Variants in TMPRSS15 observed in about 807,000 individuals in gnomAD.
The protein encoded by TMPRSS15 is transmembrane serine protease 15.
In TMPRSS15, 128 loss-of-function variants were observed where a neutral mutation model predicts 125.3. The observed-to-expected ratio is 1.02, with a 90% CI of 0.89 to 1.18. The LOEUF is 1.18. Among genes scored for constraint, TMPRSS15 ranks in the 50% most tolerant of loss-of-function variants. The pLI is 0.00. For synonymous variants in TMPRSS15, 446 were observed against 423.2 expected (o/e 1.05, Z -0.66); for missense variants, 1,283 against 1,212.7 (o/e 1.06, Z -0.86).
rs2074530969 is a variant in TMPRSS15, at chr21:18,269,700, A to ATT, written c.*267_*268dup. 1 of 371,368 alleles carries ATT rather than the reference A, an allele frequency of 2.7e-6. No individual in the cohort carries two copies. The highest frequency in any genetic ancestry group is 2.1e-5 in the African/African-American group (1 of 48,182). 23.0% of individuals were successfully genotyped at this position (371,368 alleles called of 1,614,324 possible). A position where few individuals can be genotyped will look rare whatever the true frequency, so the allele number is the denominator to read the frequency against. Reference sequence around the variant, plus strand: ...TAAGTAATAAAAATAATCATTAAGAATTTTAAAAATGAGATCTGTGAAGAA... The same window carrying ATT: ...TAAGTAATAAAAATAATCATTAAGAATTTTTTAAAAATGAGATCTGTGAAGAA... On this transcript the variant is annotated 3_prime_UTR_variant, in exon 25 of 25. Transcript: ENST00000284885.
intron 3 of TMPRSS15, among the ~76,000 whole-genome samples, chr21:18,396,095 A>G (rs183791357): frequency 6.6e-6 from 1 of 152,334 alleles, no homozygotes; most frequent in East Asian, 1.9e-4. Flanking sequence ...CCATCAGTCT[A>G]GCTTACTTAG....
chr21:18,382,409 G>A (rs768783446), intron 4 of TMPRSS15, among the ~76,000 whole-genome samples: 4 of 152,108 alleles, frequency 2.6e-5, no homozygotes, highest in Non-Finnish European at 5.9e-5. Flanking sequence ...TTATCTTCTT[G>A]CTGAACAGCA....
Position 18,343,542 on chromosome 21 carries a change from A to G in TMPRSS15, c.1392T>C (p.Tyr464=), listed in dbSNP as rs755045381. The G allele has an allele frequency of 3.7e-5, 60 of 1,613,010 alleles. 1 individual carries two copies. Among genetic ancestry groups the G allele is most frequent in the Admixed American group, 1.0e-4 (6 of 59,994 alleles). The change falls in exon 12 of 25, where the codon TAT becomes TAC. Residue 464 remains tyrosine (Y), a synonymous_variant. Coordinates refer to ENST00000284885, the MANE Select transcript of TMPRSS15 (RefSeq NM_002772.3). ...CTGTTTCATTTAGGGTTACTTGTCC[A>G]TAATTCCAATTGTCTCCATAATTTC... ...KEGNYGDNWN[Y]GQVTLNETVK...
chr21:18,382,819 G>A (rs553598605), intron 4 of TMPRSS15, among the ~76,000 whole-genome samples: 1 of 152,180 alleles, frequency 6.6e-6, no homozygotes, highest in African/African-American at 2.4e-5. Flanking sequence ...AGGACACTGT[G>A]TTTGTTGAAT....
intron 1 of TMPRSS15, among the ~76,000 whole-genome samples, chr21:18,463,960 G>A (rs758681405): frequency 6.6e-6 from 1 of 151,992 alleles, no homozygotes; most frequent in Non-Finnish European, 1.5e-5. Context: ...GGATCACGAG[G>A]TCAGGAGATG....
chr21:18,396,804 GTCTGTCTA>G (rs1313364092), intron 3 of TMPRSS15, among the ~76,000 whole-genome samples: 68 of 96,546 alleles, frequency 7.0e-4, no homozygotes, highest in Admixed American at 2.0e-3. Context: ...CTGTCTGTCT[GTCTGTCTA>G]TCTATCTATC....
intron 1 of TMPRSS15, among the ~76,000 whole-genome samples, chr21:18,443,798 A>G (rs1041368536): frequency 6.6e-6 from 1 of 152,164 alleles, no homozygotes; most frequent in Non-Finnish European, 1.5e-5. Context: ...ACCCTCTGAC[A>G]CCGGTAGACA....
chr21:18,410,263 C>T (rs529490031), intron 1 of TMPRSS15, among the ~76,000 whole-genome samples: 1 of 151,816 alleles, frequency 6.6e-6, no homozygotes, highest in Admixed American at 6.6e-5. Context: ...TACAAAGGTT[C>T]CTTTGTACTA....
rs549431826 is a variant in TMPRSS15, at chr21:18,457,438, G to A, written c.10+28361C>T. Among the ~76,000 whole-genome samples the A allele has an allele frequency of 1.2e-4, 18 of 152,182 alleles. 1 individual carries two copies. The highest frequency in any genetic ancestry group is 4.1e-4 in the African/African-American group (17 of 41,562). ...GAAAAGCAACTTATTACGTTGGAAT[G>A]GGTGCTGATGGGGACTTGTCATTAA... On this transcript the variant is annotated intron_variant, in intron 1 of 7. Transcript: ENST00000422787.
chr21:18,288,032 T>G (rs924558338), intron 21 of TMPRSS15, among the ~76,000 whole-genome samples: 1 of 152,160 alleles, frequency 6.6e-6, no homozygotes, highest in Admixed American at 6.5e-5. Flanking sequence ...ATACCTGCAT[T>G]TGTGTGTTTA....
chr21:18,319,379 T>C (rs984023452), intron 16 of TMPRSS15, among the ~76,000 whole-genome samples: 2 of 151,296 alleles, frequency 1.3e-5, no homozygotes, highest in Non-Finnish European at 2.9e-5. Context: ...ATAATATTTT[T>C]AACAGTAAAA....
rs190304082 is a variant in TMPRSS15, at chr21:18,409,477, C to A, written c.11-11148G>T. Among the ~76,000 whole-genome samples the A allele has an allele frequency of 7.2e-5, 11 of 151,950 alleles. No homozygotes were observed. In the East Asian group the frequency reaches 1.4e-3, roughly 19 times the overall value. On this transcript the variant is annotated intron_variant, in intron 1 of 7. Coordinates refer to the TMPRSS15 transcript ENST00000422787. ...TCCAATTTTCCTTAGGATGAATTAT[C>A]TTAGTCATTTATCTATATCTCTACT...
At chr21:18,482,495 CCTGA>C (rs1365979230) in intron 1 of TMPRSS15, among the ~76,000 whole-genome samples, 1 of 151,392 alleles carries the variant, frequency 6.6e-6, no homozygotes, top group Non-Finnish European at 1.5e-5. Flanking sequence ...CCTCAAATAC[CCTGA>C]CTGATCATTA....
intron 19 of TMPRSS15, among the ~76,000 whole-genome samples, chr21:18,295,800 T>G (rs2074899422): frequency 6.6e-6 from 1 of 152,172 alleles, no homozygotes; most frequent in Non-Finnish European, 1.5e-5. Context: ...ACTCCCCTTT[T>G]TTTCACCCTG....
chr21:18,331,261 C>CTTT (rs529379179), intron 14 of TMPRSS15, among the ~76,000 whole-genome samples: 229 of 152,166 alleles, frequency 1.5e-3, no homozygotes, highest in Non-Finnish European at 2.7e-3. Context: ...GCAAGGTTGG[C>CTTT]TTTTTCTGAA....
chr21:18,482,248 G>A (rs1048144660), intron 1 of TMPRSS15, among the ~76,000 whole-genome samples: 2 of 151,272 alleles, frequency 1.3e-5, no homozygotes, highest in African/African-American at 4.8e-5. Context: ...TGAAATTCCT[G>A]AGAATTAAAT....
At chr21:18,330,984 A>G (rs1426052961) in intron 14 of TMPRSS15, among the ~76,000 whole-genome samples, 1 of 150,310 alleles carries the variant, frequency 6.7e-6, no homozygotes, top group East Asian at 2.0e-4. Context: ...AAGGCAGGAG[A>G]ATGGCGTGAA....
At chr21:18,411,582 A>G (rs879550120) in intron 1 of TMPRSS15, among the ~76,000 whole-genome samples, 2 of 152,148 alleles carry the variant, frequency 1.3e-5, no homozygotes. Context: ...CTTCTCCTTC[A>G]TATCTCCCAC....
chr21:18,476,984 A>G (rs1978891336), intron 1 of TMPRSS15, among the ~76,000 whole-genome samples: 1 of 151,986 alleles, frequency 6.6e-6, no homozygotes, highest in South Asian at 2.1e-4. Context: ...ACTGGAAGAA[A>G]AAAGAGTAGA....
Sources: allele counts gnomAD v4.1 joint callset (sites outside exome capture counted in the v4.1 genomes callset), GRCh38; gene constraint gnomAD v4.1.1; transcripts MANE v1.5; gene names NCBI Gene and HGNC (gene_info 2026-07-23, HGNC 2026-07-21).